SLC39A11: variants seen among roughly 807,000 people sequenced by gnomAD.
SLC39A11 encodes the protein solute carrier family 39 member 11.
SLC39A11 carries 33 observed loss-of-function variants against 36.1 expected under a neutral mutation model. The ratio of observed to expected loss-of-function variants is 0.91; its 90% confidence interval spans 0.69 to 1.22. The LOEUF is 1.22. SLC39A11 is among the 50% of genes most tolerant of loss of function. The pLI, the probability that SLC39A11 is intolerant of heterozygous loss-of-function variation, is 0.00. For synonymous variants in SLC39A11, 166 were observed against 170.3 expected, an observed-to-expected ratio of 0.97 and a Z score of 0.20; for missense variants, 432 against 430.3, an observed-to-expected ratio of 1.00 and a Z score of -0.03.
chr17:73,026,231 GAA>G (rs2058547129), intron 4 of SLC39A11, among the ~76,000 whole-genome samples: 17 of 151,528 alleles, frequency 1.1e-4, no homozygotes, highest in East Asian at 3.9e-4. Flanking sequence ...GAAGAGAAGA[GAA>G]AAGGGAAAAG....
At chr17:72,973,223 A>T (rs1177906004) in intron 4 of SLC39A11, among the ~76,000 whole-genome samples, 1 of 152,014 alleles carries the variant, frequency 6.6e-6, no homozygotes, top group Non-Finnish European at 1.5e-5. Context: ...AGAAAACCCT[A>T]CTGCAGCGAC....
At chr17:72,981,847 C>A (rs200681761) in intron 4 of SLC39A11, among the ~76,000 whole-genome samples, 1 of 74,238 alleles carries the variant, frequency 1.3e-5, no homozygotes, top group East Asian at 1.5e-3. Flanking sequence ...TTAGGAAAGA[C>A]CAACCATGGA....
At chr17:72,815,718 T>C (rs1214462766) in intron 6 of SLC39A11, among the ~76,000 whole-genome samples, 1 of 152,178 alleles carries the variant, frequency 6.6e-6, no homozygotes, top group African/African-American at 2.4e-5. Context: ...GATCAGGAGT[T>C]TGAGACCAGT....
intron 4 of SLC39A11, among the ~76,000 whole-genome samples, chr17:72,983,162 T>G (rs566590747): frequency 1.8e-4 from 28 of 152,238 alleles, no homozygotes; most frequent in African/African-American, 5.8e-4. Context: ...TTTTGTTTTT[T>G]TTTTTGAGAC....
rs112278740 is a variant in SLC39A11 at position 72,867,758 on chromosome 17, GCGCACACA to G, written c.431-17962_431-17955del. Among the ~76,000 whole-genome samples the G allele has an allele frequency of 7.4e-3, 1,020 of 137,306 alleles. 16 individuals are homozygous for G. The highest frequency in any genetic ancestry group is 0.028 in the African/African-American group (955 of 34,014). 90.1% of individuals were successfully genotyped at this position (137,306 alleles called of 152,430 possible). On this transcript the variant is annotated intron_variant, in intron 5 of 9. Coordinates refer to ENST00000255559, the MANE Select transcript of SLC39A11 (RefSeq NM_139177.4). ...CCCTGGTGTGTTGAATGAAGTGCGC[GCGCACACA>G]CACACACACACACACACACACACGC...
chr17:73,052,535 G>C (rs750625313), intron 3 of SLC39A11, among the ~76,000 whole-genome samples: 2 of 152,088 alleles, frequency 1.3e-5, no homozygotes, highest in Non-Finnish European at 2.9e-5. Flanking sequence ...AGAGGACAGA[G>C]GACCAGCCAG....
At chr17:72,852,110 C>A (rs1431195411) in intron 5 of SLC39A11, among the ~76,000 whole-genome samples, 1 of 143,050 alleles carries the variant, frequency 7.0e-6, no homozygotes, top group African/African-American at 2.6e-5. Flanking sequence ...CTGAGTGAGG[C>A]AGGAGAATGG....
intron 3 of SLC39A11, among the ~76,000 whole-genome samples, chr17:73,083,290 A>G (rs2060609917): frequency 6.6e-6 from 1 of 152,136 alleles, no homozygotes; most frequent in Non-Finnish European, 1.5e-5. Context: ...AGGACCTAGA[A>G]ACTAATTTTC....
intron 6 of SLC39A11, among the ~76,000 whole-genome samples, chr17:72,813,924 C>T (rs1167529955): frequency 6.6e-6 from 1 of 152,180 alleles, no homozygotes; most frequent in Non-Finnish European, 1.5e-5. Context: ...ACTGACAGCG[C>T]TACTCACTGA....
At chr17:73,081,210 A>G (rs2060498684) in intron 3 of SLC39A11, among the ~76,000 whole-genome samples, 1 of 152,228 alleles carries the variant, frequency 6.6e-6, no homozygotes, top group Non-Finnish European at 1.5e-5. Context: ...GCCAACAAAC[A>G]TAAGAAAAAA....
rs532113748 is a variant in SLC39A11 at position 72,681,335 on chromosome 17, C to G, written c.672-32067G>C. Among the ~76,000 whole-genome samples the G allele has an allele frequency of 6.6e-5, 10 of 152,244 alleles. No individual in the cohort carries two copies. In the South Asian group the frequency reaches 2.1e-3, roughly 32 times the overall value. ...TTCATGCTTAGGAGCATCATAGGAG[C>G]AGCTAGAGGCCATGTAAGTGAGGAG... On this transcript the variant is annotated intron_variant, in intron 7 of 9. Transcript: ENST00000255559.
chr17:72,911,666 C>T (rs1224869545), intron 5 of SLC39A11, among the ~76,000 whole-genome samples: 4 of 152,088 alleles, frequency 2.6e-5, no homozygotes, highest in Non-Finnish European at 5.9e-5. Flanking sequence ...AACCAAACCC[C>T]ACCTCAACCA....
chr17:73,045,340 A>G (rs1437045512), intron 3 of SLC39A11, among the ~76,000 whole-genome samples: 1 of 126,258 alleles, frequency 7.9e-6, no homozygotes, highest in African/African-American at 2.9e-5. Flanking sequence ...TTTCAAATTT[A>G]TTGACCAGTC....
In SLC39A11 at chr17:73,010,462, T is replaced by C. The variant is rs1179103657; in HGVS notation, c.306+21094A>G. 3.3e-5 allele frequency among the ~76,000 whole-genome samples: 5 copies of C among 152,194 alleles called. No individual in the cohort carries two copies. The East Asian group carries it at 5.8e-4, about 18-fold the overall frequency. On this transcript the variant is annotated intron_variant, in intron 4 of 9. Coordinates refer to ENST00000255559, the MANE Select transcript of SLC39A11 (RefSeq NM_139177.4). ...CGAGTTATAGGTAGCCTTCAATCAA[T>C]GGTCACTGACCTTGGCTGAACGTCA...
chr17:72,656,669 G>A (rs2070138559), intron 7 of SLC39A11, among the ~76,000 whole-genome samples: 1 of 152,110 alleles, frequency 6.6e-6, no homozygotes, highest in African/African-American at 2.4e-5. Flanking sequence ...CTGCCTCATG[G>A]AGGCAGAGTT....
At position 72,836,737 on chromosome 17, in the gene SLC39A11, G is replaced by A. The variant is rs892448437; in HGVS notation, c.601+12897C>T. On this transcript the variant is annotated intron_variant, in intron 6 of 9. Transcript: ENST00000255559. ...ATGTATGTGGTGCACTTTATACAGCGTCTGGAACCTTGAAAGGCCCCCGTA... is the reference window on the plus strand; with the variant it reads ...ATGTATGTGGTGCACTTTATACAGCATCTGGAACCTTGAAAGGCCCCCGTA... Among the ~76,000 whole-genome samples the A allele has an allele frequency of 6.5e-4, 99 of 152,230 alleles. 1 individual carries two copies. Among genetic ancestry groups the A allele is most frequent in the Admixed American group, 3.3e-3 (50 of 15,304 alleles).
At position 72,724,452 on chromosome 17, in the gene SLC39A11, G is replaced by A. The variant is rs551185451; in HGVS notation, c.671+12198C>T. 2.8e-3 allele frequency among the ~76,000 whole-genome samples: 432 copies of A among 152,242 alleles called. 2 individuals carry two copies. Among genetic ancestry groups the A allele is most frequent in the African/African-American group, 9.9e-3 (411 of 41,524 alleles). ...AGAAAAAACATCAAGAAAGCGGTGG[G>A]GGGGAGTGAGCTTCAGAGGGGAAGC... On this transcript the variant is annotated intron_variant, in intron 7 of 9. Coordinates refer to ENST00000255559, the MANE Select transcript of SLC39A11 (RefSeq NM_139177.4).
At chr17:72,944,732 A>C (rs887533284) in intron 5 of SLC39A11, among the ~76,000 whole-genome samples, 9 of 152,236 alleles carry the variant, frequency 5.9e-5, no homozygotes, top group Admixed American at 5.2e-4. Flanking sequence ...GCAAAGCATC[A>C]GAATTAACCC....
rs2069547024 is a variant in SLC39A11 at position 72,646,044 on chromosome 17, C to T, written c.*1540G>A. On this transcript the variant is annotated 3_prime_UTR_variant, in exon 10 of 10. Coordinates refer to ENST00000255559, the MANE Select transcript of SLC39A11 (RefSeq NM_139177.4). ...CATTATGTAGAACTACATACAAAGA[C>T]ATAAAAATAAAACATACATACACCA... 1 of 152,654 alleles carries T rather than the reference C, an allele frequency of 6.6e-6. No homozygotes were observed. Among genetic ancestry groups the T allele is most frequent in the Non-Finnish European group, 1.5e-5 (1 of 68,050 alleles). 9.5% of individuals were successfully genotyped at this position (152,654 alleles called of 1,614,324 possible). A position where few individuals can be genotyped will look rare whatever the true frequency, so the allele number is the denominator to read the frequency against.
Sources: gnomAD v4.1 joint callset for allele counts (sites outside exome capture counted in the v4.1 genomes callset) on GRCh38, gnomAD v4.1.1 for gene constraint, MANE v1.5 for transcripts, NCBI Gene and HGNC (gene_info 2026-07-23, HGNC 2026-07-21) for gene names.